DRC8: variants seen among roughly 807,000 people sequenced by gnomAD.
The protein encoded by DRC8 is dynein regulatory complex protein 8.
the DRC8 span, among the ~76,000 whole-genome samples, chr1:245,054,655 G>A: frequency 1.3e-5 from 2 of 151,960 alleles, no homozygotes. Flanking sequence ...TTGAATGTGG[G>A]TACTCCTCAG....
chr1:245,087,654 T>C, the DRC8 span: 1 of 1,044,882 alleles, frequency 9.6e-7, no homozygotes, highest in African/African-American at 1.7e-5. Context: ...TTCGAATTAA[T>C]TAAGCTGACA....
chr1:245,096,373 C>T, the DRC8 span, among the ~76,000 whole-genome samples: 14 of 152,232 alleles, frequency 9.2e-5, no homozygotes, highest in Non-Finnish European at 1.8e-4. Flanking sequence ...TGGCCTCCCG[C>T]GCTCACACCA....
At chr1:245,045,140 G>C in the DRC8 span, among the ~76,000 whole-genome samples, 2 of 152,226 alleles carry the variant, frequency 1.3e-5, no homozygotes, top group African/African-American at 4.8e-5. Flanking sequence ...CTCCAGGGTA[G>C]CTGGAACTAC....
the DRC8 span, among the ~76,000 whole-genome samples, chr1:245,025,878 A>G: frequency 6.6e-6 from 1 of 152,170 alleles, no homozygotes. Context: ...CCGCCATGTA[A>G]GATGTGCCTC....
At chr1:245,046,212 CTTCT>C in the DRC8 span, among the ~76,000 whole-genome samples, 1 of 151,794 alleles carries the variant, frequency 6.6e-6, no homozygotes, top group Non-Finnish European at 1.5e-5. Flanking sequence ...TATTTCTAAA[CTTCT>C]TTCTTTTATT....
At chr1:245,016,606 C>G in the DRC8 span, among the ~76,000 whole-genome samples, 1 of 152,184 alleles carries the variant, frequency 6.6e-6, no homozygotes, top group African/African-American at 2.4e-5. Flanking sequence ...ATAAAAGTAG[C>G]TCTATGGAGG....
chr1:245,012,468 A>T, the DRC8 span, among the ~76,000 whole-genome samples: 2 of 141,920 alleles, frequency 1.4e-5, no homozygotes, highest in Non-Finnish European at 1.5e-5. Context: ...TATTATTAGA[A>T]AATATAAAAT....
the DRC8 span, among the ~76,000 whole-genome samples, chr1:244,996,595 C>G: frequency 6.6e-6 from 1 of 152,118 alleles, no homozygotes; most frequent in Non-Finnish European, 1.5e-5. Flanking sequence ...ATTTACAATC[C>G]AGAAAGGAAC....
chr1:244,983,681 A>G, the DRC8 span, among the ~76,000 whole-genome samples: 2 of 143,928 alleles, frequency 1.4e-5, no homozygotes, highest in African/African-American at 5.1e-5. Context: ...CGGAGGTTGC[A>G]GTGAGCCAAG....
chr1:245,043,717 G>T, the DRC8 span, among the ~76,000 whole-genome samples: 146 of 152,304 alleles, frequency 9.6e-4, 2 homozygotes, highest in African/African-American at 3.4e-3. Flanking sequence ...ATGAACCCGT[G>T]CAGGGACGGC....
the DRC8 span, among the ~76,000 whole-genome samples, chr1:244,981,315 C>T: frequency 6.6e-6 from 1 of 151,960 alleles, no homozygotes; most frequent in East Asian, 1.9e-4. Flanking sequence ...AGCACAATTG[C>T]AAAATCATGG....
At chr1:245,025,578 A>G in the DRC8 span, among the ~76,000 whole-genome samples, 1 of 152,188 alleles carries the variant, frequency 6.6e-6, no homozygotes, top group South Asian at 2.1e-4. Flanking sequence ...TAAAAGTGCC[A>G]ATCTTTCCCC....
chr1:245,106,976 G>A, the DRC8 span, among the ~76,000 whole-genome samples: 1 of 152,172 alleles, frequency 6.6e-6, no homozygotes, highest in Non-Finnish European at 1.5e-5. Flanking sequence ...CCCGGGAGGC[G>A]GAGGTTGCAG....
the DRC8 span, among the ~76,000 whole-genome samples, chr1:245,058,244 A>AAAT: frequency 0.012 from 1,784 of 151,834 alleles, 10 homozygotes; most frequent in Non-Finnish European, 0.018. Flanking sequence ...CCCTTTCTAA[A>AAAT]AATAATAATA....
the DRC8 span, among the ~76,000 whole-genome samples, chr1:245,054,688 C>A: frequency 2.6e-5 from 4 of 152,150 alleles, no homozygotes; most frequent in Admixed American, 2.6e-4. Context: ...TCTTTCCCAG[C>A]CAATACATTC....
At chr1:245,022,521 G>A in the DRC8 span, among the ~76,000 whole-genome samples, 2 of 152,024 alleles carry the variant, frequency 1.3e-5, no homozygotes, top group Non-Finnish European at 2.9e-5. Flanking sequence ...AAGACTGATT[G>A]AAAATTAAAT....
the DRC8 span, among the ~76,000 whole-genome samples, chr1:244,995,159 C>T: frequency 6.6e-6 from 1 of 151,916 alleles, no homozygotes; most frequent in South Asian, 2.1e-4. Context: ...TCAGGAGATC[C>T]AGACCATCCT....
At chr1:244,999,058 CAAAAAAAAAAAAAAAA>C in the DRC8 span, among the ~76,000 whole-genome samples, 13 of 83,690 alleles carry the variant, frequency 1.6e-4, no homozygotes, top group Middle Eastern at 7.1e-3. Flanking sequence ...GATCCTGGGT[CAAAAAAAAAAAAAAAA>C]AAAAAAAAGA....
the DRC8 span, among the ~76,000 whole-genome samples, chr1:244,988,663 TTC>T: frequency 6.6e-6 from 1 of 152,332 alleles, no homozygotes; most frequent in African/African-American, 2.4e-5. Context: ...TTTGCCTGTT[TTC>T]TCTCTTTCCA....
Sources: gnomAD v4.1 joint callset for allele counts (sites outside exome capture counted in the v4.1 genomes callset) on GRCh38, gnomAD v4.1.1 for gene constraint, MANE v1.5 for transcripts, NCBI Gene and HGNC (gene_info 2026-07-23, HGNC 2026-07-21) for gene names.